The following RIPOR2 variants were observed in gnomAD, a reference collection of about 807,000 sequenced individuals.
RIPOR2 encodes the protein rho family-interacting cell polarization regulator 2.
RIPOR2 carries 39 observed loss-of-function variants against 114.5 expected under a neutral mutation model. The observed-to-expected ratio is 0.34, with a 90% CI of 0.26 to 0.44. The LOEUF (loss-of-function observed/expected upper bound fraction) is 0.44, where lower values mean the gene tolerates loss of function less well. RIPOR2 is among the 20% of genes least tolerant of loss of function. The pLI is 1.00. For synonymous variants in RIPOR2, 445 were observed against 484.4 expected, an observed-to-expected ratio of 0.92 and a Z score of 1.07; for missense variants, 1,007 against 1,255.1, an observed-to-expected ratio of 0.80 and a Z score of 2.99.
intron 1 of RIPOR2, chr6:25,024,104 G>A: frequency 1.2e-6 from 1 of 803,116 alleles, no homozygotes; most frequent in Non-Finnish European, 2.2e-6. Context: ...TACCAGGTGA[G>A]CTCAAACCGG....
chr6:24,879,701 G>A (rs1343394286), intron 1 of RIPOR2, among the ~76,000 whole-genome samples: 4 of 152,188 alleles, frequency 2.6e-5, no homozygotes, highest in Non-Finnish European at 5.9e-5. Flanking sequence ...GTCTGATGGA[G>A]GGGTGGTAGT....
Position 24,993,014 on chromosome 6 carries a change from GT to G in RIPOR2, c.76+48836del, listed in dbSNP as rs145012540. On this transcript the variant is annotated intron_variant, in intron 1 of 13. Transcript: ENST00000510784. ...ATATCTTTGAATGGAAGACAAATTT[GT>G]TTGTTGTTTGTATTTCTGTCAGGTC... Among the ~76,000 whole-genome samples the G allele has an allele frequency of 1.9e-3, 289 of 152,244 alleles. 4 individuals carry two copies. Among genetic ancestry groups the G allele is most frequent in the East Asian group, 0.018 (92 of 5,186 alleles).
At chr6:24,809,305 C>T (rs1377793447) in intron 21 of RIPOR2, among the ~76,000 whole-genome samples, 1 of 152,144 alleles carries the variant, frequency 6.6e-6, no homozygotes, top group Non-Finnish European at 1.5e-5. Flanking sequence ...GCTGAGATAC[C>T]TGGGGATTTA....
At chr6:24,917,621 C>T (rs1289238713) in intron 1 of RIPOR2, among the ~76,000 whole-genome samples, 1 of 152,158 alleles carries the variant, frequency 6.6e-6, no homozygotes, top group African/African-American at 2.4e-5. Flanking sequence ...CCTCCGCCTC[C>T]CGGGTTCAAG....
chr6:24,840,371 C>A, intron 13 of RIPOR2: 1 of 1,139,388 alleles, frequency 8.8e-7, no homozygotes, highest in South Asian at 2.1e-5. Context: ...CTGACCAGGC[C>A]CTGGCATCAT....
chr6:24,901,138 A>C (rs1349343958), intron 1 of RIPOR2, among the ~76,000 whole-genome samples: 1 of 152,198 alleles, frequency 6.6e-6, no homozygotes, highest in Admixed American at 6.5e-5. Context: ...CTTATGTGCC[A>C]GGCTTGGCCA....
upstream of RIPOR2, among the ~76,000 whole-genome samples, chr6:24,937,337 C>G (rs373321381): frequency 3.9e-5 from 6 of 152,254 alleles, no homozygotes; most frequent in African/African-American, 1.4e-4. Context: ...GGATATCAAC[C>G]TTACCATAAT....
At position 24,879,136 on chromosome 6, in the gene RIPOR2, T is replaced by C. The variant is rs543800585; in HGVS notation, c.62-3319A>G. 3.4e-5 allele frequency among the ~76,000 whole-genome samples: 5 copies of C among 146,570 alleles called. 1 individual carries two copies. In the South Asian group the frequency reaches 1.1e-3, roughly 32 times the overall value. ...AGGTGGATCACCTGAGATCAGGAGT[T>C]TGAGACCAGCCTGGCCAACATGGTG... On this transcript the variant is annotated intron_variant, in intron 1 of 21. Transcript: ENST00000643898.
At position 24,875,823 on chromosome 6, in the gene RIPOR2, A is replaced by G; in HGVS notation, c.62-6T>C. 1.3e-6 allele frequency: 2 copies of G among 1,599,394 alleles called. No individual in the cohort carries two copies. The highest frequency in any genetic ancestry group is 1.7e-6 in the Non-Finnish European group (2 of 1,172,624). On this transcript the variant is annotated splice_polypyrimidine_tract_variant and splice_region_variant and intron_variant, in intron 1 of 21. Coordinates refer to ENST00000643898, the MANE Select transcript of RIPOR2 (RefSeq NM_001286445.3). ...CGGGAGTCTGGTCGGTAGTCCTAGA[A>G]GACAGTGGAAAGATCATGACAATTT...
At chr6:24,910,742 C>T in intron 1 of RIPOR2, 6 of 864,730 alleles carry the variant, frequency 6.9e-6, no homozygotes, top group Non-Finnish European at 8.3e-6. Flanking sequence ...GTCGAGGACA[C>T]CCCTCCCCAC....
rs58120451 is a variant in RIPOR2, at chr6:25,004,986, T to TACACAC, written c.76+36859_76+36864dup. 3.4e-5 allele frequency among the ~76,000 whole-genome samples: 5 copies of TACACAC among 146,532 alleles called. No individual in the cohort carries two copies. In the East Asian group the frequency reaches 6.0e-4, roughly 18 times the overall value. ...GTACCCCAAATGTATTCAAATAGGC[T>TACACAC]ACACACACACACACACACACACACA... On this transcript the variant is annotated intron_variant, in intron 1 of 13. Transcript: ENST00000510784.
intron 12 of RIPOR2, chr6:24,847,397 G>T: frequency 3.0e-6 from 2 of 676,552 alleles, no homozygotes; most frequent in South Asian, 3.4e-5. Context: ...TTACATGCAC[G>T]ACCAAGTGTC....
At chr6:24,999,316 G>C (rs1775191572) in intron 1 of RIPOR2, among the ~76,000 whole-genome samples, 1 of 152,190 alleles carries the variant, frequency 6.6e-6, no homozygotes, top group South Asian at 2.1e-4. Flanking sequence ...TGCCATGACA[G>C]TTCCAAGAAC....
chr6:24,848,601 T>C (rs912574073), intron 11 of RIPOR2, among the ~76,000 whole-genome samples: 4 of 152,198 alleles, frequency 2.6e-5, no homozygotes, highest in African/African-American at 9.7e-5. Flanking sequence ...TTCATTTCAG[T>C]TGACACAGAG....
chr6:24,930,936 T>C (rs371594462), intron 1 of RIPOR2, among the ~76,000 whole-genome samples: 35 of 152,344 alleles, frequency 2.3e-4, no homozygotes, highest in African/African-American at 8.2e-4. Context: ...TATTTATTTA[T>C]GTTATAAAAT....
intron 1 of RIPOR2, among the ~76,000 whole-genome samples, chr6:25,004,437 A>G (rs1292355730): frequency 6.6e-6 from 1 of 152,160 alleles, no homozygotes; most frequent in Non-Finnish European, 1.5e-5. Flanking sequence ...GGAGAGGGTA[A>G]CAGCTTCTCC....
At chr6:24,839,567 A>C in intron 13 of RIPOR2, 1 of 1,480,590 alleles carries the variant, frequency 6.8e-7, no homozygotes, top group Non-Finnish European at 9.2e-7. Flanking sequence ...AGGGATGGGC[A>C]CACTGGGATC....
intron 1 of RIPOR2, among the ~76,000 whole-genome samples, chr6:24,975,276 G>A (rs1291274087): frequency 1.3e-5 from 2 of 152,170 alleles, no homozygotes; most frequent in Non-Finnish European, 2.9e-5. Context: ...TTTACAGCAT[G>A]TATAACAGAG....
intron 1 of RIPOR2, among the ~76,000 whole-genome samples, chr6:24,924,019 G>T (rs1032703438): frequency 2.0e-5 from 3 of 152,076 alleles, no homozygotes; most frequent in Non-Finnish European, 4.4e-5. Flanking sequence ...CTCTCCTGTC[G>T]TGTCTGTTTT....
Sources: gnomAD v4.1 joint callset for allele counts (sites outside exome capture counted in the v4.1 genomes callset) on GRCh38, gnomAD v4.1.1 for gene constraint, MANE v1.5 for transcripts, NCBI Gene and HGNC (gene_info 2026-07-23, HGNC 2026-07-21) for gene names.